The following SIRT2 variants were observed in gnomAD, a reference collection of about 807,000 sequenced individuals.
SIRT2 encodes the protein NAD-dependent protein deacetylase sirtuin-2.
Under a neutral mutation model 57.4 loss-of-function variants are expected in SIRT2, and 40 were observed. The observed-to-expected ratio is 0.70, with a 90% CI of 0.54 to 0.91. The LOEUF is 0.91. Ranked by LOEUF, SIRT2 falls within the 40% of genes least tolerant of loss-of-function variation. The probability of loss-of-function intolerance (pLI) is 0.00; values close to 1 mark genes in which losing one functional copy is unlikely to be tolerated. For missense variants in SIRT2, 439 were observed against 510.4 expected, an observed-to-expected ratio of 0.86 and a Z score of 1.35; for synonymous variants, 161 against 195.7, an observed-to-expected ratio of 0.82 and a Z score of 1.48.
At chr19:38,894,034 C>T in intron 2 of SIRT2, 167 bp from the exon 3 acceptor site, 1 of 1,429,016 alleles carries the variant, frequency 7.0e-7, no homozygotes, top group South Asian at 1.5e-5. Context: ...CTGGGACAGG[C>T]TGCCGGGGTT....
rs1249662948 is a variant in SIRT2 at position 38,893,810 on chromosome 19, G to T, written c.112+9C>A. 2.5e-6 allele frequency: 4 copies of T among 1,613,886 alleles called. No individual in the cohort carries two copies. The East Asian group carries it at 6.7e-5, about 27-fold the overall frequency. ...ACCCTGCTCCCTGTCCCTCCAGGAAGATACTCACTGTCTGCTTCTCCACCA... is the reference window on the plus strand; with the variant it reads ...ACCCTGCTCCCTGTCCCTCCAGGAATATACTCACTGTCTGCTTCTCCACCA... On this transcript the variant is annotated intron_variant, in intron 3 of 15. Transcript: ENST00000249396.
rs768868245 is a variant in SIRT2 at position 38,893,388 on chromosome 19, T to G, written c.226+26A>C. ...ACTTGGGGCCAGGAGCCAGGCAAAG[T>G]GGCCCAATCCTGACAGGGGACTCAC... On this transcript the variant is annotated intron_variant, in intron 4 of 15. Transcript: ENST00000249396. 59 of 1,459,140 alleles carry G rather than the reference T, an allele frequency of 4.0e-5. 1 individual carries two copies. The highest frequency in any genetic ancestry group is 3.3e-5 in the Non-Finnish European group (34 of 1,039,562). The allele number at this position is 1,459,140 out of a possible 1,614,324, so 90.4% of individuals were successfully genotyped here.
chr19:38,897,648 C>T (rs570266628), intron 2 of SIRT2, among the ~76,000 whole-genome samples: 2 of 152,080 alleles, frequency 1.3e-5, no homozygotes. Flanking sequence ...ACTCAGCCTC[C>T]TGAGTAGCTG....
chr19:38,888,050 G>A (rs1362414074), intron 8 of SIRT2, among the ~76,000 whole-genome samples: 1 of 151,440 alleles, frequency 6.6e-6, no homozygotes, highest in East Asian at 2.0e-4. Flanking sequence ...CACCGCGCCC[G>A]GCCACCTGTT....
chr19:38,880,410 T>A lies in SIRT2; in HGVS notation c.876+275A>T. The A allele has an allele frequency of 2.5e-6, 1 of 400,454 alleles. No individual in the cohort carries two copies. 24.8% of individuals were successfully genotyped at this position (400,454 alleles called of 1,614,324 possible). On this transcript the variant is annotated intron_variant, in intron 13 of 15. Coordinates refer to ENST00000249396, the MANE Select transcript of SIRT2 (RefSeq NM_012237.4). This position sits in a 1 kb window ranked among gnomAD's most constrained non-coding sequence, Gnocchi z 4.1. ...CCAACCCCGCCCCCCGCACTGTCTC[T>A]CCTGACCCCTGCACCCCCTCCCACC... is the stretch of plus-strand genomic sequence containing the variant.
chr19:38,885,287 G>A (rs1296708585), intron 8 of SIRT2, among the ~76,000 whole-genome samples: 1 of 151,054 alleles, frequency 6.6e-6, no homozygotes, highest in Non-Finnish European at 1.5e-5. Context: ...GTAGAGATGG[G>A]GGGTGGGGTG....
chr19:38,884,669 G>A (rs1192664065), intron 8 of SIRT2, among the ~76,000 whole-genome samples: 1 of 152,008 alleles, frequency 6.6e-6, no homozygotes, highest in South Asian at 2.1e-4. Flanking sequence ...GGCTGGTCTC[G>A]AACTCTGGAC....
Position 38,880,907 on chromosome 19 carries a change from G to A in SIRT2, c.748-10C>T, listed in dbSNP as rs747546861. On this transcript the variant is annotated splice_polypyrimidine_tract_variant and intron_variant, in intron 11 of 15. Coordinates refer to ENST00000249396, the MANE Select transcript of SIRT2 (RefSeq NM_012237.4). The surrounding 1 kb of genome is among the most constrained non-coding windows in gnomAD (Gnocchi z 4.1). ...CCACCTTCAGGAAGTCCTGCGGGGA[G>A]GGGCGTGAGCTTGGGAGCCTCCGCC... The A allele has an allele frequency of 1.2e-6, 2 of 1,612,868 alleles. No homozygotes were observed. The highest frequency in any genetic ancestry group is 2.2e-5 in the South Asian group (2 of 91,028).
intron 4 of SIRT2, chr19:38,891,973 G>A: frequency 2.1e-6 from 1 of 467,848 alleles, no homozygotes; most frequent in Non-Finnish European, 4.4e-6. Context: ...GCAGCTGGAG[G>A]ACAGGGACAC....
chr19:38,890,406 T>C (rs1973496885), intron 4 of SIRT2, among the ~76,000 whole-genome samples: 1 of 152,162 alleles, frequency 6.6e-6, no homozygotes, highest in African/African-American at 2.4e-5. Flanking sequence ...GAATCCAGTG[T>C]TGGGCTGGGT....
At chr19:38,886,767 A>G (rs964123363) in intron 8 of SIRT2, among the ~76,000 whole-genome samples, 8 of 151,820 alleles carry the variant, frequency 5.3e-5, no homozygotes, top group South Asian at 2.1e-4. Flanking sequence ...GATTACAGGC[A>G]CGCACCACCA....
intron 7 of SIRT2, 180 bp from the exon 8 acceptor site, chr19:38,889,335 G>A (rs1475302060): frequency 2.8e-6 from 2 of 725,546 alleles, no homozygotes; most frequent in South Asian, 3.0e-5. Flanking sequence ...TGAAGGACAG[G>A]GAAGGGGATT....
At chr19:38,879,862 G>C (rs2144664460) in intron 13 of SIRT2, 160 bp from the exon 14 acceptor site, 3 of 611,698 alleles carry the variant, frequency 4.9e-6, no homozygotes, top group South Asian at 4.0e-5. Flanking sequence ...TTTCACTCTT[G>C]TTGCCCAGGC....
intron 2 of SIRT2, 168 bp from the exon 3 acceptor site, chr19:38,894,035 T>G (rs1371603059): frequency 1.2e-5 from 17 of 1,423,368 alleles, no homozygotes; most frequent in Non-Finnish European, 1.6e-5. Flanking sequence ...TGGGACAGGC[T>G]GCCGGGGTTG....
intron 2 of SIRT2, chr19:38,894,931 T>C: frequency 2.2e-6 from 1 of 456,104 alleles, no homozygotes. Flanking sequence ...CACCTTGCCC[T>C]AGGTGCCCCC....
chr19:38,883,166 C>T (rs539563881), intron 9 of SIRT2, among the ~76,000 whole-genome samples: 8 of 151,018 alleles, frequency 5.3e-5, no homozygotes, highest in Middle Eastern at 3.5e-3. Flanking sequence ...CTGCAGCCTC[C>T]GCCTCCCAGG....
At chr19:38,890,445 C>G in intron 4 of SIRT2, 1 of 404,164 alleles carries the variant, frequency 2.5e-6, no homozygotes. Context: ...AATCCCAGAA[C>G]TTTGGGAGGC....
At chr19:38,892,841 G>T (rs1196757293) in intron 4 of SIRT2, among the ~76,000 whole-genome samples, 1 of 152,152 alleles carries the variant, frequency 6.6e-6, no homozygotes, top group Non-Finnish European at 1.5e-5. Context: ...GCCTCCCAAA[G>T]TGCTGAGATT....
rs1248758865 is a variant in SIRT2 at position 38,879,281 on chromosome 19, C to T, written c.1044G>A (p.Glu348=). The T allele has an allele frequency of 2.5e-6, 4 of 1,613,136 alleles. No homozygotes were observed. The South Asian group carries it at 4.4e-5, about 18-fold the overall frequency. Reference sequence around the variant, plus strand: ...CCGACTGGGCATCTATGCTGGCGTGCTCCCTCCGGACAAGGTCCTCCAGCT... The same window carrying T: ...CCGACTGGGCATCTATGCTGGCGTGTTCCCTCCGGACAAGGTCCTCCAGCT... ...KKELEDLVRR[E]HASIDAQSGA... is the part of the protein sequence containing the mutation. The change falls in exon 16 of 16, where the codon GAG becomes GAA. Residue 348 remains glutamate, a synonymous_variant. Coordinates refer to ENST00000249396, the MANE Select transcript of SIRT2 (RefSeq NM_012237.4).
Sources: allele counts gnomAD v4.1 joint callset (sites outside exome capture counted in the v4.1 genomes callset), GRCh38; gene constraint gnomAD v4.1.1; non-coding constraint Gnocchi (gnomAD v3.1); transcripts MANE v1.5; gene names NCBI Gene and HGNC (gene_info 2026-07-23, HGNC 2026-07-21).